ICE2: variants seen among roughly 807,000 people sequenced by gnomAD.
The protein encoded by ICE2 is little elongation complex subunit 2.
In ICE2, 87 loss-of-function variants were observed where a neutral mutation model predicts 105.4. That is an observed-to-expected ratio of 0.83 (90% CI 0.69 to 0.99). ICE2 has a LOEUF of 0.99. Ranked by LOEUF, ICE2 falls within the 50% of genes least tolerant of loss-of-function variation. The pLI is 0.00. For synonymous variants in ICE2, 399 were observed against 392.0 expected (o/e 1.02, Z -0.21); for missense variants, 1,323 against 1,146.7 (o/e 1.15, Z -2.22).
chr15:60,472,704 T>C (rs1396132755), intron 3 of ICE2, among the ~76,000 whole-genome samples: 1 of 151,914 alleles, frequency 6.6e-6, no homozygotes, highest in Non-Finnish European at 1.5e-5. Flanking sequence ...ACCGTAAAAA[T>C]AAACTTGGCA....
At chr15:60,477,911 T>G (rs1324125195) in intron 2 of ICE2, 26 bp downstream of exon 2, 1 of 1,602,320 alleles carries the variant, frequency 6.2e-7, no homozygotes. Flanking sequence ...TCCTCTTCAG[T>G]GGATTACAAA....
At chr15:60,429,600 G>A (rs1191019273) in intron 14 of ICE2, among the ~76,000 whole-genome samples, 1 of 152,146 alleles carries the variant, frequency 6.6e-6, no homozygotes, top group Non-Finnish European at 1.5e-5. Flanking sequence ...AGATGTTAAG[G>A]AGAACATCGG....
chr15:60,442,551 A>G lies in ICE2; in HGVS notation c.2296-6T>C. The G allele has an allele frequency of 6.4e-7, 1 of 1,559,450 alleles. No individual in the cohort carries two copies. ...AGTACATAAACTGGAAATTGCTGCA[A>G]TGCAAAATTATACTTTTTCAAAGCT... On this transcript the variant is annotated splice_region_variant and splice_polypyrimidine_tract_variant and intron_variant, in intron 11 of 15. Transcript: ENST00000261520.
chr15:60,465,309 A>T (rs1187893226), intron 5 of ICE2, among the ~76,000 whole-genome samples: 1 of 152,016 alleles, frequency 6.6e-6, no homozygotes, highest in Non-Finnish European at 1.5e-5. Flanking sequence ...TTCCCACCTA[A>T]GCCTCCCAAG....
chr15:60,446,691 G>A (rs1239086486), intron 11 of ICE2, among the ~76,000 whole-genome samples: 1 of 152,104 alleles, frequency 6.6e-6, no homozygotes, highest in Non-Finnish European at 1.5e-5. Flanking sequence ...CATCACACCT[G>A]GCCCAGTTAT....
chr15:60,465,373 T>C (rs2064393985), intron 5 of ICE2, among the ~76,000 whole-genome samples: 1 of 152,194 alleles, frequency 6.6e-6, no homozygotes, highest in Non-Finnish European at 1.5e-5. Flanking sequence ...ATTCTTTTTG[T>C]ATAGATGGGA....
Position 60,449,508 on chromosome 15 carries a change from G to T in ICE2, c.1459C>A (p.Gln487Lys), listed in dbSNP as rs764106440. 39 of 1,613,978 alleles carry T rather than the reference G, an allele frequency of 2.4e-5. No homozygotes were observed. The highest frequency in any genetic ancestry group is 1.1e-5 in the South Asian group (1 of 91,084). ...ACCTTTTCACATGATTCAAATCCCTGATCATCTTTATTTTTGCATTCCTCA... is the reference window on the plus strand; with the variant it reads ...ACCTTTTCACATGATTCAAATCCCTTATCATCTTTATTTTTGCATTCCTCA... ...GPEECKNKDDQGFESCEKVSN... is the reference protein window; with the variant it reads ...GPEECKNKDDKGFESCEKVSN... The change falls in exon 10 of 16, where the codon CAG becomes AAG. Residue 487 changes from glutamine to lysine, a missense_variant. Coordinates refer to ENST00000261520, the MANE Select transcript of ICE2 (RefSeq NM_024611.6).
chr15:60,478,076 A>G lies in ICE2; in HGVS notation c.-92-7T>C. Reference sequence around the variant, plus strand: ...CCCTCCAGAACTTACTCAGCTGAGTAAAAACAAAAGGCCAAGATCAAAAGC... The same window carrying G: ...CCCTCCAGAACTTACTCAGCTGAGTGAAAACAAAAGGCCAAGATCAAAAGC... On this transcript the variant is annotated splice_polypyrimidine_tract_variant and splice_region_variant and intron_variant, in intron 1 of 15. Transcript: ENST00000261520. The G allele has an allele frequency of 8.9e-7, 1 of 1,123,892 alleles. No individual in the cohort carries two copies. The highest frequency in any genetic ancestry group is 2.3e-5 in the East Asian group (1 of 42,612). 69.6% of individuals were successfully genotyped at this position (1,123,892 alleles called of 1,614,324 possible).
Position 60,452,332 on chromosome 15 carries a change from T to C in ICE2, c.1125+1271A>G, listed in dbSNP as rs1005535108. 5.9e-6 allele frequency: 5 copies of C among 845,128 alleles called. No individual in the cohort carries two copies. The African/African-American group carries it at 9.2e-5, about 16-fold the overall frequency. 52.4% of individuals were successfully genotyped at this position (845,128 alleles called of 1,614,324 possible). ...AAAACATTTTTATATTTTAAAATTTTGTTTGCTCCCTCATTTTACTCAAGT... is the reference window on the plus strand; with the variant it reads ...AAAACATTTTTATATTTTAAAATTTCGTTTGCTCCCTCATTTTACTCAAGT... On this transcript the variant is annotated intron_variant, in intron 9 of 15. Coordinates refer to ENST00000261520, the MANE Select transcript of ICE2 (RefSeq NM_024611.6).
At chr15:60,440,345 A>G (rs1224328531) in intron 12 of ICE2, 2 of 152,254 alleles carry the variant, frequency 1.3e-5, no homozygotes, top group Non-Finnish European at 2.9e-5. Flanking sequence ...GAATTGATAA[A>G]TATTATAGGG....
At chr15:60,453,097 T>C in intron 9 of ICE2, 2 of 590,014 alleles carry the variant, frequency 3.4e-6, no homozygotes, top group South Asian at 1.5e-4. Context: ...CTGGGTATGG[T>C]GGTGCACACC....
chr15:60,437,643 T>TTTTA lies in ICE2; in HGVS notation c.2426-1420_2426-1417dup, dbSNP rs199736661. Among the ~76,000 whole-genome samples, 593 of 149,710 alleles carry TTTTA rather than the reference T, an allele frequency of 4.0e-3. 21 individuals carry two copies. In the East Asian group the frequency reaches 0.099, roughly 25 times the overall value. On this transcript the variant is annotated intron_variant, in intron 12 of 15. Transcript: ENST00000261520. The stretch of plus-strand genomic sequence containing the variant: ...CCACTGAGCCCGGCTGAAGTCTTAT[T>TTTTA]TTTATTTATTTATTTATTTATTTTT...
intron 13 of ICE2, among the ~76,000 whole-genome samples, chr15:60,432,748 C>T (rs1243443972): frequency 1.3e-5 from 2 of 151,710 alleles, no homozygotes; most frequent in African/African-American, 4.8e-5. Context: ...AAAAATTAGC[C>T]AGGCGTGGTG....
At chr15:60,433,087 G>GTT (rs771963122) in intron 13 of ICE2, among the ~76,000 whole-genome samples, 7 of 144,506 alleles carry the variant, frequency 4.8e-5, no homozygotes, top group Admixed American at 1.4e-4. Context: ...TAAAACACAG[G>GTT]TTTTTTTTTT....
chr15:60,474,582 T>TCTGCCAATCCATC (rs1466130687), intron 3 of ICE2, among the ~76,000 whole-genome samples: 1 of 152,174 alleles, frequency 6.6e-6, no homozygotes, highest in East Asian at 1.9e-4. Context: ...TTAAATCCAT[T>TCTGCCAATCCATC]CTGCCAATCC....
chr15:60,425,361 T>C (rs991011022), intron 15 of ICE2, among the ~76,000 whole-genome samples: 5 of 152,186 alleles, frequency 3.3e-5, no homozygotes, highest in African/African-American at 1.2e-4. Context: ...ACTAATTCTA[T>C]CTGTTAAAAT....
intron 15 of ICE2, among the ~76,000 whole-genome samples, chr15:60,424,776 G>A (rs564472644): frequency 4.0e-4 from 61 of 152,328 alleles, no homozygotes; most frequent in African/African-American, 1.3e-3. Context: ...ACAGTGCTGG[G>A]ATTATGGGCA....
In ICE2 at chr15:60,449,690, G is replaced by T; in HGVS notation, c.1277C>A (p.Pro426His). The T allele has an allele frequency of 6.2e-7, 1 of 1,614,072 alleles. No homozygotes were observed. Among genetic ancestry groups the T allele is most frequent in the Non-Finnish European group, 8.5e-7 (1 of 1,180,014 alleles). ...SPSPASTSTV[P>H]NMTDAPTAPK... ...GGCTGTAGGAGCATCTGTCATGTTA[G>T]GTACTGTGGAAGTACTTGCTGGACT... The change falls in exon 10 of 16, where the codon CCT (proline) becomes CAT (histidine). Residue 426 changes from proline to histidine, a missense_variant. Transcript: ENST00000261520.
rs77159042 is a variant in ICE2, at chr15:60,457,600, T to C, written c.529-806A>G. On this transcript the variant is annotated intron_variant, in intron 5 of 15. Coordinates refer to ENST00000261520, the MANE Select transcript of ICE2 (RefSeq NM_024611.6). ...TCTACATCCCCTCTCCCTTCACATA[T>C]TTGTAAAATGTGTCACGTTACAAAT... Among the ~76,000 whole-genome samples, 605 of 152,296 alleles carry C rather than the reference T, an allele frequency of 4.0e-3. 3 individuals carry two copies. Among genetic ancestry groups the C allele is most frequent in the Non-Finnish European group, 7.4e-3 (500 of 67,992 alleles).
Sources: allele counts gnomAD v4.1 joint callset (sites outside exome capture counted in the v4.1 genomes callset), GRCh38; gene constraint gnomAD v4.1.1; transcripts MANE v1.5; gene names NCBI Gene and HGNC (gene_info 2026-07-23, HGNC 2026-07-21).